The following BAZ2B variants were observed in gnomAD, a reference collection of about 807,000 sequenced individuals.
The protein encoded by BAZ2B is bromodomain adjacent to zinc finger domain protein 2B.
BAZ2B carries 91 observed loss-of-function variants against 246.0 expected under a neutral mutation model. The observed-to-expected ratio is 0.37, with a 90% confidence interval of 0.31 to 0.44. The LOEUF is 0.44. Among genes scored for constraint, BAZ2B ranks in the 20% least tolerant of loss-of-function variants. The probability of loss-of-function intolerance (pLI) is 1.00; values close to 1 mark genes in which losing one functional copy is unlikely to be tolerated. For missense variants in BAZ2B, 2,332 were observed against 2,533.7 expected, an observed-to-expected ratio of 0.92 and a Z score of 1.71; for synonymous variants, 855 against 860.0, an observed-to-expected ratio of 0.99 and a Z score of 0.10.
chr2:159,563,392 G>T (rs1578406547), intron 1 of BAZ2B, among the ~76,000 whole-genome samples: 1 of 152,098 alleles, frequency 6.6e-6, no homozygotes, highest in Non-Finnish European at 1.5e-5. Flanking sequence ...GGGATATTGT[G>T]AAGTTTAGTT....
chr2:159,658,327 T>A, the BAZ2B span, among the ~76,000 whole-genome samples: 1 of 152,094 alleles, frequency 6.6e-6, no homozygotes, highest in East Asian at 1.9e-4. Flanking sequence ...TTGCTAATAT[T>A]TAGTAGAAAA....
rs1291753705 is a variant in BAZ2B at position 159,449,217 on chromosome 2, A to G, written c.335-808T>C. Among the ~76,000 whole-genome samples the G allele has an allele frequency of 2.6e-5, 4 of 152,288 alleles. No individual in the cohort carries two copies. In the South Asian group the frequency reaches 8.3e-4, roughly 32 times the overall value. Reference sequence around the variant, plus strand: ...AAGTTTTAGAAAAGGAAATAAGCCAAATTTTATACATTTTTCAAGGAAGGA... The same window carrying G: ...AAGTTTTAGAAAAGGAAATAAGCCAGATTTTATACATTTTTCAAGGAAGGA... On this transcript the variant is annotated intron_variant, in intron 4 of 36. Coordinates refer to ENST00000392783, the MANE Select transcript of BAZ2B (RefSeq NM_013450.4).
At chr2:159,451,121 C>T (rs1177709902) in intron 4 of BAZ2B, among the ~76,000 whole-genome samples, 2 of 151,940 alleles carry the variant, frequency 1.3e-5, no homozygotes, top group African/African-American at 2.4e-5. Context: ...ATTTAAAAAT[C>T]GTTCATACTT....
Position 159,432,948 on chromosome 2 carries a change from T to C in BAZ2B, c.1709A>G (p.Asn570Ser), listed in dbSNP as rs201840527. 2 of 1,614,178 alleles carry C rather than the reference T, an allele frequency of 1.2e-6. No homozygotes were observed. The highest frequency in any genetic ancestry group is 3.3e-5 in the Admixed American group (2 of 60,016). The change falls in exon 9 of 37, where the codon AAT (asparagine) becomes AGT (serine). Residue 570 changes from asparagine (N) to serine (S), a missense_variant. By Grantham distance (46) the Asn-to-Ser change is conservative (BLOSUM62 1). Transcript: ENST00000392783. The stretch of plus-strand genomic sequence containing the variant: ...CTGTGTTTTTACTGGGTTTACATTA[T>C]TGCTAACTGCTTTTTCCTTCCCTTG... ...HSQGKEKAVS[N>S]NVNPVKTQHH...
chr2:159,598,631 C>T (rs1691343533), intron 1 of BAZ2B, among the ~76,000 whole-genome samples: 1 of 151,876 alleles, frequency 6.6e-6, no homozygotes, highest in South Asian at 2.1e-4. Context: ...GGGTAGATTA[C>T]AAGGTCAGGA....
chr2:159,624,771 T>C, the BAZ2B span, among the ~76,000 whole-genome samples: 1 of 151,966 alleles, frequency 6.6e-6, no homozygotes, highest in African/African-American at 2.4e-5. Context: ...GAATGCCTCT[T>C]CTCCTCCAAA....
intron 2 of BAZ2B, among the ~76,000 whole-genome samples, chr2:159,509,886 C>A (rs556600563): frequency 1.8e-4 from 28 of 151,642 alleles, no homozygotes; most frequent in Non-Finnish European, 3.7e-4. Context: ...TATATATGTA[C>A]ATTTATACAT....
Position 159,535,989 on chromosome 2 carries a change from T to G in BAZ2B, c.-3+19834A>C, listed in dbSNP as rs183117865. 2.2e-4 allele frequency among the ~76,000 whole-genome samples: 34 copies of G among 152,336 alleles called. No individual in the cohort carries two copies. In the East Asian group the frequency reaches 2.7e-3, roughly 12 times the overall value. ...TAATGCTTTATTTTTAAATGGCACATTAGAAAAGAATAATTAATAGAAAGT... is the reference window on the plus strand; with the variant it reads ...TAATGCTTTATTTTTAAATGGCACAGTAGAAAAGAATAATTAATAGAAAGT... On this transcript the variant is annotated intron_variant, in intron 2 of 36. Transcript: ENST00000392783.
chr2:159,511,105 T>C (rs2082874373), intron 2 of BAZ2B, among the ~76,000 whole-genome samples: 1 of 152,202 alleles, frequency 6.6e-6, no homozygotes, highest in South Asian at 2.1e-4. Context: ...TCAAAAAATA[T>C]TCAATTTTAT....
intron 3 of BAZ2B, among the ~76,000 whole-genome samples, chr2:159,467,180 C>T (rs4665072): frequency 0.39 from 59,693 of 151,898 alleles, 12,469 homozygotes; most frequent in Admixed American, 0.53. Flanking sequence ...CAGTGCCAGA[C>T]AAATTTGAGA....
At chr2:159,535,515 ACT>A (rs2085873303) in intron 2 of BAZ2B, among the ~76,000 whole-genome samples, 1 of 152,048 alleles carries the variant, frequency 6.6e-6, no homozygotes, top group African/African-American at 2.4e-5. Context: ...GAACAGTGAG[ACT>A]CTGTCTCAAA....
At chr2:159,577,215 G>A (rs998266058) in intron 1 of BAZ2B, among the ~76,000 whole-genome samples, 3 of 152,098 alleles carry the variant, frequency 2.0e-5, no homozygotes, top group Non-Finnish European at 4.4e-5. Context: ...GTGACAGAGT[G>A]AGATCCTATC....
rs375639739 is a variant in BAZ2B, at chr2:159,349,151, C to A, written c.4993G>T (p.Gly1665Cys). 2 of 1,613,940 alleles carry A rather than the reference C, an allele frequency of 1.2e-6. No individual in the cohort carries two copies. The highest frequency in any genetic ancestry group is 1.7e-6 in the Non-Finnish European group (2 of 1,179,970). The change falls in exon 29 of 37, where the codon GGT becomes TGT. Residue 1665 changes from glycine to cysteine, a missense_variant. Gly to Cys is a radical substitution (Grantham distance 159). Coordinates refer to ENST00000392783, the MANE Select transcript of BAZ2B (RefSeq NM_013450.4). ...ACATTGGAAGTCAAGAATGAATTAC[C>A]ATTTCCTTCTGATAACCCTAACCCC... ...GSGLGLSEGN[G>C]NSFLTSNVAS... is the part of the protein sequence containing the mutation.
intron 17 of BAZ2B, among the ~76,000 whole-genome samples, chr2:159,400,243 T>C (rs931101463): frequency 1.2e-4 from 19 of 152,248 alleles, no homozygotes; most frequent in Non-Finnish European, 2.5e-4. Flanking sequence ...ATCTTACTTC[T>C]GTAAACATTT....
chr2:159,553,145 T>C (rs1296458491), intron 2 of BAZ2B, among the ~76,000 whole-genome samples: 13 of 151,730 alleles, frequency 8.6e-5, no homozygotes, highest in Admixed American at 7.2e-4. Context: ...CTATAATCCC[T>C]GCACTTTGAG....
At chr2:159,647,622 T>C in the BAZ2B span, among the ~76,000 whole-genome samples, 1 of 152,224 alleles carries the variant, frequency 6.6e-6, no homozygotes, top group Non-Finnish European at 1.5e-5. Context: ...ATTCCCTTGA[T>C]TATTCATTTT....
chr2:159,396,890 G>GTAAAAAAATTCAATGTAAAGAAGTAT (rs2064106777), intron 19 of BAZ2B, among the ~76,000 whole-genome samples: 1 of 152,044 alleles, frequency 6.6e-6, no homozygotes, highest in Admixed American at 6.6e-5. Flanking sequence ...GTAAAATCTT[G>GTAAAAAAATTCAATGTAAAGAAGTAT]GAGATGCATC....
At chr2:159,585,975 A>C (rs978458467) in intron 1 of BAZ2B, among the ~76,000 whole-genome samples, 2 of 152,242 alleles carry the variant, frequency 1.3e-5, no homozygotes, top group African/African-American at 4.8e-5. Flanking sequence ...TTTTGGCAAA[A>C]GTCACCTTTA....
chr2:159,512,699 A>C (rs1187176092), intron 2 of BAZ2B, among the ~76,000 whole-genome samples: 2 of 152,188 alleles, frequency 1.3e-5, no homozygotes, highest in Non-Finnish European at 2.9e-5. Flanking sequence ...GATGATGATA[A>C]TAGCAGCTGT....
Sources: allele counts gnomAD v4.1 joint callset (sites outside exome capture counted in the v4.1 genomes callset), GRCh38; gene constraint gnomAD v4.1.1; transcripts MANE v1.5; gene names NCBI Gene and HGNC (gene_info 2026-07-23, HGNC 2026-07-21).